CEP128: variants seen among roughly 807,000 people sequenced by gnomAD.
CEP128 encodes centrosomal protein 128, also known as centrosomal protein 128kDa.
In CEP128, 132 loss-of-function variants were observed where a neutral mutation model predicts 156.7. The observed-to-expected ratio is 0.84, with a 90% CI of 0.73 to 0.97. CEP128 has a LOEUF of 0.97. Among genes scored for constraint, CEP128 ranks in the 50% least tolerant of loss-of-function variants. The pLI is 0.00. For missense variants in CEP128, 1,252 were observed against 1,281.9 expected, an observed-to-expected ratio of 0.98 and a Z score of 0.36; for synonymous variants, 469 against 448.9, an observed-to-expected ratio of 1.04 and a Z score of -0.57.
chr14:80,692,293 T>C (rs555108720), intron 19 of CEP128, among the ~76,000 whole-genome samples: 21 of 152,336 alleles, frequency 1.4e-4, no homozygotes, highest in African/African-American at 5.0e-4. Flanking sequence ...ATAAAGATCA[T>C]GGCTCTAAAT....
At chr14:80,699,491 C>G (rs1230089056) in intron 19 of CEP128, among the ~76,000 whole-genome samples, 2 of 152,132 alleles carry the variant, frequency 1.3e-5, no homozygotes, top group African/African-American at 4.8e-5. Flanking sequence ...TTCATTTCTA[C>G]TAAAGTATTT....
intron 13 of CEP128, among the ~76,000 whole-genome samples, chr14:80,827,502 C>A (rs897194910): frequency 1.3e-5 from 2 of 152,088 alleles, no homozygotes; most frequent in African/African-American, 2.4e-5. Flanking sequence ...AAAAATTAAA[C>A]ATAAGACTGA....
intron 19 of CEP128, among the ~76,000 whole-genome samples, chr14:80,717,434 C>T (rs1746659802): frequency 2.0e-5 from 3 of 152,112 alleles, no homozygotes; most frequent in Non-Finnish European, 2.9e-5. Context: ...CTACCTAGAA[C>T]AGTGTTTTCA....
At chr14:80,936,533 CAG>C (rs1358751344) in intron 2 of CEP128, among the ~76,000 whole-genome samples, 1 of 152,204 alleles carries the variant, frequency 6.6e-6, no homozygotes, top group African/African-American at 2.4e-5. Context: ...ATAGAAATTT[CAG>C]AGAGGTGTGC....
chr14:80,632,981 C>T (rs1894024353), intron 19 of CEP128, among the ~76,000 whole-genome samples: 1 of 152,066 alleles, frequency 6.6e-6, no homozygotes, highest in Non-Finnish European at 1.5e-5. Flanking sequence ...TAATCCAGTA[C>T]TTCGGGAGGC....
chr14:80,684,353 G>T (rs1896442267), intron 19 of CEP128, among the ~76,000 whole-genome samples: 1 of 151,938 alleles, frequency 6.6e-6, no homozygotes, highest in South Asian at 2.1e-4. Context: ...AGAAGCAAAT[G>T]AATAAATTCT....
chr14:80,796,793 T>C (rs1883510682), intron 13 of CEP128, among the ~76,000 whole-genome samples: 1 of 152,188 alleles, frequency 6.6e-6, no homozygotes, highest in South Asian at 2.1e-4. Context: ...CTCCAGACTT[T>C]CAAATATCTA....
At chr14:80,913,388 T>A (rs528060659) in intron 4 of CEP128, among the ~76,000 whole-genome samples, 2 of 152,242 alleles carry the variant, frequency 1.3e-5, no homozygotes, top group Non-Finnish European at 2.9e-5. Flanking sequence ...TATTAAATTT[T>A]AAAACGTTGT....
downstream of CEP128, among the ~76,000 whole-genome samples, chr14:80,487,308 T>C (rs1283423543): frequency 6.6e-6 from 1 of 152,158 alleles, no homozygotes; most frequent in African/African-American, 2.4e-5. Context: ...AAGGGATCAA[T>C]TCAACAAGAA....
At chr14:80,760,761 G>A (rs1899922813) in intron 17 of CEP128, among the ~76,000 whole-genome samples, 1 of 151,984 alleles carries the variant, frequency 6.6e-6, no homozygotes, top group Non-Finnish European at 1.5e-5. Flanking sequence ...TCACTTCTGT[G>A]TTTATTTATC....
At chr14:80,775,113 A>G (rs999259421) in intron 16 of CEP128, among the ~76,000 whole-genome samples, 1 of 152,198 alleles carries the variant, frequency 6.6e-6, no homozygotes, top group African/African-American at 2.4e-5. Flanking sequence ...CTGATATCTT[A>G]TTAGATACCA....
At chr14:80,778,543 A>G (rs1016994765) in intron 15 of CEP128, among the ~76,000 whole-genome samples, 12 of 152,326 alleles carry the variant, frequency 7.9e-5, no homozygotes, top group African/African-American at 2.9e-4. Context: ...ATAATGGTGT[A>G]CTTTTTATGT....
upstream of CEP128, among the ~76,000 whole-genome samples, chr14:80,944,857 A>AAAAAAAAAAAAAAAAAAAAAAAAAAAC (rs1886297621): frequency 1.2e-5 from 1 of 81,478 alleles, no homozygotes; most frequent in African/African-American, 4.2e-5. Flanking sequence ...AAAAAAAAAA[A>AAAAAAAAAAAAAAAAAAAAAAAAAAAC]CAGAAAAAAC....
At chr14:80,871,047 A>T (rs1251953086) in intron 8 of CEP128, among the ~76,000 whole-genome samples, 4 of 151,900 alleles carry the variant, frequency 2.6e-5, no homozygotes, top group African/African-American at 7.2e-5. Flanking sequence ...CTCTGAAAAT[A>T]AAAAAAATTA....
At chr14:80,617,427 G>A (rs8013610) in intron 19 of CEP128, among the ~76,000 whole-genome samples, 45,904 of 151,358 alleles carry the variant, frequency 0.3, 7,343 homozygotes, top group East Asian at 0.5. Flanking sequence ...AGTAGAGACG[G>A]GGTTTCACCA....
intron 19 of CEP128, among the ~76,000 whole-genome samples, chr14:80,587,120 AAAAC>A (rs901573756): frequency 5.3e-5 from 8 of 152,308 alleles, no homozygotes; most frequent in African/African-American, 1.9e-4. Flanking sequence ...GTTGTAATTT[AAAAC>A]AAACAAACAA....
At chr14:80,762,774 T>G (rs1369147944) in intron 16 of CEP128, among the ~76,000 whole-genome samples, 1 of 152,182 alleles carries the variant, frequency 6.6e-6, no homozygotes, top group African/African-American at 2.4e-5. Context: ...CAACTCTGCT[T>G]GAAGTTGTGC....
At chr14:80,527,293 G>T (rs1889020154) in intron 22 of CEP128, 1 of 454,118 alleles carries the variant, frequency 2.2e-6, no homozygotes, top group African/African-American at 2.0e-5. Context: ...AGTCAGATAT[G>T]GTGGTGCATG....
At chr14:80,916,618 A>C (rs1884580084) in intron 2 of CEP128, 56 bp from the exon 3 acceptor site, 2 of 1,367,808 alleles carry the variant, frequency 1.5e-6, no homozygotes, top group Admixed American at 3.9e-5. Context: ...TGGAAATAAA[A>C]GACTAATACA....
Sources: gnomAD v4.1 joint callset for allele counts (sites outside exome capture counted in the v4.1 genomes callset) on GRCh38, gnomAD v4.1.1 for gene constraint, MANE v1.5 for transcripts, NCBI Gene and HGNC (gene_info 2026-07-23, HGNC 2026-07-21) for gene names.